SOX5: variants seen among roughly 807,000 people sequenced by gnomAD.
SOX5 encodes the protein SRY-box transcription factor 5.
Under a neutral mutation model 92.0 loss-of-function variants are expected in SOX5, and 9 were observed. That is an observed-to-expected ratio of 0.10 (90% confidence interval 0.06 to 0.17). SOX5 has a LOEUF of 0.17. Among genes scored for constraint, SOX5 ranks in the 10% least tolerant of loss-of-function variants. SOX5 has a pLI of 1.00. For synonymous variants in SOX5, 344 were observed against 336.3 expected, an observed-to-expected ratio of 1.02 and a Z score of -0.25; for missense variants, 642 against 944.5, an observed-to-expected ratio of 0.68 and a Z score of 4.20.
At chr12:24,373,941 C>A (rs762760781) in intron 1 of SOX5, among the ~76,000 whole-genome samples, 1 of 152,080 alleles carries the variant, frequency 6.6e-6, no homozygotes, top group Non-Finnish European at 1.5e-5. Context: ...TCAGAGCTAA[C>A]CTTTGGAAAT....
At chr12:24,503,634 A>G (rs1948444770) in intron 1 of SOX5, among the ~76,000 whole-genome samples, 1 of 152,216 alleles carries the variant, frequency 6.6e-6, no homozygotes, top group Admixed American at 6.5e-5. Flanking sequence ...ACCAGGGAAT[A>G]CTATGCAGCC....
chr12:24,331,285 T>A (rs1951275543), intron 2 of SOX5: 1 of 152,232 alleles, frequency 6.6e-6, no homozygotes, highest in Admixed American at 6.5e-5. Context: ...ACCTGCTATT[T>A]TTAGCTCAAC....
intron 1 of SOX5, among the ~76,000 whole-genome samples, chr12:24,473,359 G>A (rs964429272): frequency 3.9e-5 from 6 of 152,222 alleles, no homozygotes; most frequent in African/African-American, 1.4e-4. Flanking sequence ...ACTGAACAGA[G>A]TTGGGAGGAG....
chr12:24,143,357 T>G (rs1252101811), intron 4 of SOX5, among the ~76,000 whole-genome samples: 1 of 152,022 alleles, frequency 6.6e-6, no homozygotes, highest in Non-Finnish European at 1.5e-5. Context: ...AGACCTACAA[T>G]TAGAAGAAAA....
chr12:24,260,000 C>T lies in SOX5; in HGVS notation c.-77+17216G>A, dbSNP rs554799537. Reference sequence around the variant, plus strand: ...TGGTAATAAGAGTAAAGAAAAAAACCCAAATAGAATTACAAGCACAAAGAG... The same window carrying T: ...TGGTAATAAGAGTAAAGAAAAAAACTCAAATAGAATTACAAGCACAAAGAG... On this transcript the variant is annotated intron_variant, in intron 3 of 4. Coordinates refer to the SOX5 transcript ENST00000446891. 3.3e-5 allele frequency among the ~76,000 whole-genome samples: 5 copies of T among 151,950 alleles called. No homozygotes were observed. The South Asian group carries it at 1.0e-3, about 32-fold the overall frequency.
At chr12:24,070,160 C>A (rs889786782) in intron 4 of SOX5, among the ~76,000 whole-genome samples, 2 of 152,186 alleles carry the variant, frequency 1.3e-5, no homozygotes, top group African/African-American at 4.8e-5. Context: ...CCAGCTGTAA[C>A]AAAAGATGCC....
chr12:23,809,456 G>A (rs1402916165), intron 3 of SOX5, among the ~76,000 whole-genome samples: 1 of 151,602 alleles, frequency 6.6e-6, no homozygotes, highest in Non-Finnish European at 1.5e-5. Context: ...TTCAACACCA[G>A]TATTACATAA....
intron 9 of SOX5, among the ~76,000 whole-genome samples, chr12:23,585,420 T>C (rs1351325300): frequency 6.6e-6 from 1 of 152,200 alleles, no homozygotes; most frequent in African/African-American, 2.4e-5. Context: ...ACTTGAGACT[T>C]GACTAGGTCA....
intron 4 of SOX5, among the ~76,000 whole-genome samples, chr12:24,170,304 T>C (rs1448631368): frequency 6.6e-6 from 1 of 152,148 alleles, no homozygotes; most frequent in East Asian, 1.9e-4. Context: ...CCGGTGACAT[T>C]TCTGCATTAG....
At chr12:23,955,044 T>A (rs1463243025), upstream of SOX5, among the ~76,000 whole-genome samples, 1 of 152,090 alleles carries the variant, frequency 6.6e-6, no homozygotes, top group Admixed American at 6.6e-5. Flanking sequence ...TGTAGACTTA[T>A]CCCAATTACG....
At chr12:24,259,221 C>CGAGCGAGAGAGAGAGCAAGT (rs945938263) in intron 3 of SOX5, among the ~76,000 whole-genome samples, 6 of 152,036 alleles carry the variant, frequency 3.9e-5, no homozygotes, top group African/African-American at 4.8e-5. Flanking sequence ...AGAAAGAGAG[C>CGAGCGAGAGAGAGAGCAAGT]GAGCGAGAGA....
At chr12:24,197,960 C>T (rs1957163246) in intron 4 of SOX5, among the ~76,000 whole-genome samples, 1 of 152,212 alleles carries the variant, frequency 6.6e-6, no homozygotes, top group South Asian at 2.1e-4. Flanking sequence ...TCTGCATGAA[C>T]TTGCTCATCT....
intron 1 of SOX5, among the ~76,000 whole-genome samples, chr12:24,524,500 T>C (rs1390967249): frequency 1.3e-5 from 2 of 150,542 alleles, no homozygotes; most frequent in Admixed American, 1.3e-4. Context: ...AGAAGAAACG[T>C]TTTCAATTGA....
chr12:24,086,990 C>T (rs930349268), intron 4 of SOX5, among the ~76,000 whole-genome samples: 1 of 152,032 alleles, frequency 6.6e-6, no homozygotes, highest in African/African-American at 2.4e-5. Flanking sequence ...ACAAAAATGG[C>T]ATACACATAT....
chr12:23,966,074 C>T (rs1217558854), intron 4 of SOX5, among the ~76,000 whole-genome samples: 1 of 151,896 alleles, frequency 6.6e-6, no homozygotes, highest in East Asian at 1.9e-4. Context: ...CAAAAATGTC[C>T]TTTCATAGGA....
intron 1 of SOX5, among the ~76,000 whole-genome samples, chr12:24,491,537 C>A (rs1392222580): frequency 2.6e-5 from 4 of 151,556 alleles, no homozygotes; most frequent in Non-Finnish European, 4.4e-5. Flanking sequence ...CATATTTGAA[C>A]CAAACTTTTT....
intron 4 of SOX5, among the ~76,000 whole-genome samples, chr12:24,206,302 A>G (rs952660745): frequency 2.0e-4 from 31 of 152,344 alleles, no homozygotes; most frequent in African/African-American, 7.2e-4. Context: ...AGACCAACTC[A>G]GCAGGACTAT....
intron 1 of SOX5, among the ~76,000 whole-genome samples, chr12:24,441,986 A>C (rs182485653): frequency 6.6e-6 from 1 of 152,234 alleles, no homozygotes; most frequent in African/African-American, 2.4e-5. Context: ...TAGGAAACTT[A>C]AAACAGTGGA....
intron 3 of SOX5, among the ~76,000 whole-genome samples, chr12:24,251,066 C>T (rs1229699729): frequency 6.6e-6 from 1 of 152,190 alleles, no homozygotes; most frequent in Non-Finnish European, 1.5e-5. Context: ...ATATGTTATT[C>T]TACATGGAAA....
Sources: gnomAD v4.1 joint callset for allele counts (sites outside exome capture counted in the v4.1 genomes callset) on GRCh38, gnomAD v4.1.1 for gene constraint, MANE v1.5 for transcripts, NCBI Gene and HGNC (gene_info 2026-07-23, HGNC 2026-07-21) for gene names.